RERE: variants seen among roughly 807,000 people sequenced by gnomAD.
The protein encoded by RERE is arginine-glutamic acid dipeptide repeats protein.
In RERE, 40 loss-of-function variants were observed where a neutral mutation model predicts 146.1. The observed-to-expected ratio is 0.27, with a 90% CI of 0.21 to 0.36. RERE has a LOEUF of 0.36. RERE is among the 10% of genes least tolerant of loss of function. RERE has a pLI of 1.00. For missense variants in RERE, 1,933 were observed against 2,138.7 expected, an observed-to-expected ratio of 0.90 and a Z score of 1.90; for synonymous variants, 1,003 against 866.0, an observed-to-expected ratio of 1.16 and a Z score of -2.78.
rs572766415 is a variant in RERE, at chr1:8,810,418, C to A, written c.-145+6742G>T. Among the ~76,000 whole-genome samples, 18 of 152,308 alleles carry A rather than the reference C, an allele frequency of 1.2e-4. No homozygotes were observed. In the East Asian group the frequency reaches 3.1e-3, roughly 26 times the overall value. On this transcript the variant is annotated intron_variant, in intron 1 of 22. Transcript: ENST00000400908. ...CTGAGAAGTTCAAGACCAGCCTGGG[C>A]AACATGGCAAAACTCTGTCTCTATA...
Position 8,474,092 on chromosome 1 carries a change from G to A in RERE, c.1105-8069C>T, listed in dbSNP as rs542927134. Among the ~76,000 whole-genome samples, 3 of 152,282 alleles carry A rather than the reference G, an allele frequency of 2.0e-5. No homozygotes were observed. In the South Asian group the frequency reaches 6.2e-4, roughly 32 times the overall value. ...CACTCTGCCTGACAAATCATTCCAT[G>A]CTTACTTTCTATAATTTAATATATA... On this transcript the variant is annotated intron_variant, in intron 10 of 22. Coordinates refer to ENST00000400908, the MANE Select transcript of RERE (RefSeq NM_001042681.2).
chr1:8,576,358 GACAA>G (rs1378985604), intron 4 of RERE, among the ~76,000 whole-genome samples: 2 of 152,132 alleles, frequency 1.3e-5, no homozygotes, highest in African/African-American at 2.4e-5. Flanking sequence ...AAGCCATTTT[GACAA>G]ACAATCAGAG....
chr1:8,765,374 T>C (rs1037409118), intron 1 of RERE, among the ~76,000 whole-genome samples: 1 of 152,252 alleles, frequency 6.6e-6, no homozygotes, highest in African/African-American at 2.4e-5. Flanking sequence ...TAACTGCTCA[T>C]GGATACAGGA....
At chr1:8,492,744 A>AT (rs963959629) in intron 10 of RERE, among the ~76,000 whole-genome samples, 19 of 151,420 alleles carry the variant, frequency 1.3e-4, no homozygotes, top group East Asian at 5.9e-4. Flanking sequence ...GACAAAAAAA[A>AT]TTTTTATTTA....
chr1:8,445,526 C>T (rs1214891241), intron 11 of RERE, among the ~76,000 whole-genome samples: 1 of 152,164 alleles, frequency 6.6e-6, no homozygotes, highest in Non-Finnish European at 1.5e-5. Flanking sequence ...CAGCCATCAT[C>T]TACACATGTA....
chr1:8,662,365 C>G, intron 1 of RERE, among the ~76,000 whole-genome samples: 1 of 152,260 alleles, frequency 6.6e-6, no homozygotes, highest in Non-Finnish European at 1.5e-5. Context: ...ACTCATGGTC[C>G]AAATCTCATT....
chr1:8,580,833 T>C (rs1535158), intron 4 of RERE, among the ~76,000 whole-genome samples: 129,011 of 152,030 alleles, frequency 0.85, 55,028 homozygotes, highest in East Asian at 0.95. Context: ...CCACTTGAGT[T>C]GTGTGCCACC....
chr1:8,682,946 C>T (rs763264849), intron 1 of RERE, among the ~76,000 whole-genome samples: 3 of 140,284 alleles, frequency 2.1e-5, no homozygotes, highest in Non-Finnish European at 3.0e-5. Context: ...TGCTATACTT[C>T]GGTAAAATAA....
At chr1:8,590,980 T>A (rs1277557966) in intron 4 of RERE, 1 of 152,232 alleles carries the variant, frequency 6.6e-6, no homozygotes, top group Non-Finnish European at 1.5e-5. Context: ...TATTATTCCA[T>A]CAGTGTGTGG....
intron 1 of RERE, among the ~76,000 whole-genome samples, chr1:8,760,931 A>G (rs1479534707): frequency 2.6e-5 from 4 of 152,164 alleles, no homozygotes. Context: ...TTATCCCACT[A>G]ATGTATAAAC....
intron 1 of RERE, among the ~76,000 whole-genome samples, chr1:8,755,584 G>A (rs1050236751): frequency 1.3e-5 from 2 of 152,128 alleles, no homozygotes; most frequent in Admixed American, 6.5e-5. Context: ...AGGTTGAAAG[G>A]CAGTGTAAAA....
chr1:8,409,939 G>C (rs569934063), intron 12 of RERE, among the ~76,000 whole-genome samples: 4 of 145,824 alleles, frequency 2.7e-5, no homozygotes, highest in Non-Finnish European at 6.0e-5. Flanking sequence ...GTAATTAATG[G>C]TTAGCCTGGG....
chr1:8,634,455 G>C (rs1013929115), intron 2 of RERE, among the ~76,000 whole-genome samples: 10 of 152,194 alleles, frequency 6.6e-5, no homozygotes, highest in African/African-American at 2.2e-4. Flanking sequence ...TTGGCTGATT[G>C]TTAAAATGCT....
intron 11 of RERE, among the ~76,000 whole-genome samples, chr1:8,459,212 C>T (rs538728115): frequency 2.0e-5 from 3 of 152,294 alleles, no homozygotes; most frequent in African/African-American, 7.2e-5. Context: ...GCAAATCTCA[C>T]TTGAATCTAC....
intron 4 of RERE, among the ~76,000 whole-genome samples, chr1:8,573,928 C>G (rs1194274780): frequency 6.6e-6 from 1 of 152,104 alleles, no homozygotes; most frequent in African/African-American, 2.4e-5. Flanking sequence ...ACCTCAGCCT[C>G]CTGAGTAGCT....
At chr1:8,537,828 G>A (rs961145417) in intron 7 of RERE, among the ~76,000 whole-genome samples, 10 of 151,888 alleles carry the variant, frequency 6.6e-5, no homozygotes, top group African/African-American at 2.4e-4. Flanking sequence ...TCCCTGACAA[G>A]ATACAACATT....
intron 1 of RERE, among the ~76,000 whole-genome samples, chr1:8,668,924 C>CTGTGCGTGTGTGTG (rs1638639473): frequency 1.2e-5 from 1 of 83,508 alleles, no homozygotes; most frequent in East Asian, 4.8e-4. Context: ...GCACTAAACT[C>CTGTGCGTGTGTGTG]TGTGTGTGTG....
rs538563612 is a variant in RERE, at chr1:8,355,357, C to G, written c.4667+62G>C. The G allele has an allele frequency of 7.1e-6, 11 of 1,559,962 alleles. No homozygotes were observed. The African/African-American group carries it at 1.1e-4, about 15-fold the overall frequency. On this transcript the variant is annotated intron_variant, in intron 22 of 22. Transcript: ENST00000400908. ...GGGGAGGAGCCTGGCCCTGGGCACA[C>G]GGGGAGGTTGGGAGCCTGGGCTCAG...
At chr1:8,707,196 T>C (rs1056118400) in intron 1 of RERE, among the ~76,000 whole-genome samples, 3 of 152,328 alleles carry the variant, frequency 2.0e-5, no homozygotes, top group Admixed American at 2.0e-4. Context: ...ACAACAGATG[T>C]GGCTGGAAGC....
Sources: gnomAD v4.1 joint callset for allele counts (sites outside exome capture counted in the v4.1 genomes callset) on GRCh38, gnomAD v4.1.1 for gene constraint, MANE v1.5 for transcripts, NCBI Gene and HGNC (gene_info 2026-07-23, HGNC 2026-07-21) for gene names.